Variants in EGFLAM observed in about 807,000 individuals in gnomAD.
The protein encoded by EGFLAM is EGF like, fibronectin type III and laminin G domains, also known as pikachurin.
In EGFLAM, 79 loss-of-function variants were observed where a neutral mutation model predicts 113.1. That is an observed-to-expected ratio of 0.70 (90% CI 0.58 to 0.84). The LOEUF (loss-of-function observed/expected upper bound fraction) is 0.84, where lower values mean the gene tolerates loss of function less well. Ranked by LOEUF, EGFLAM falls within the 40% of genes least tolerant of loss-of-function variation. EGFLAM has a pLI of 0.00. For missense variants in EGFLAM, 1,265 were observed against 1,291.6 expected (o/e 0.98, Z 0.32); for synonymous variants, 504 against 487.6 (o/e 1.03, Z -0.44).
chr5:38,324,049 A>C (rs960550206), intron 1 of EGFLAM, among the ~76,000 whole-genome samples: 7 of 151,802 alleles, frequency 4.6e-5, no homozygotes, highest in African/African-American at 1.2e-4. Flanking sequence ...CAAACAAAAA[A>C]AAAAAAAAAA....
intron 19 of EGFLAM, among the ~76,000 whole-genome samples, chr5:38,457,376 T>C (rs542526374): frequency 1.3e-5 from 2 of 152,322 alleles, no homozygotes; most frequent in East Asian, 1.9e-4. Flanking sequence ...GGTTGGCTTC[T>C]TCTGGAGGGT....
intron 16 of EGFLAM, among the ~76,000 whole-genome samples, chr5:38,435,757 G>A (rs1447116139): frequency 1.3e-5 from 2 of 149,058 alleles, no homozygotes; most frequent in African/African-American, 4.9e-5. Context: ...TCCCTAGAAG[G>A]TTCAGGAAAA....
At chr5:38,400,150 C>A (rs907832442) in intron 6 of EGFLAM, 2 of 152,168 alleles carry the variant, frequency 1.3e-5, no homozygotes, top group African/African-American at 4.8e-5. Flanking sequence ...GTCACCCAAG[C>A]CATTTATGTC....
At chr5:38,363,833 C>T (rs547569475) in intron 5 of EGFLAM, among the ~76,000 whole-genome samples, 130 of 152,262 alleles carry the variant, frequency 8.5e-4, no homozygotes, top group African/African-American at 2.7e-3. Flanking sequence ...GGTTGCTAAA[C>T]TTTTTCTCAC....
chr5:38,348,730 T>A (rs1392570157), intron 3 of EGFLAM, among the ~76,000 whole-genome samples: 4 of 152,104 alleles, frequency 2.6e-5, no homozygotes, highest in Admixed American at 6.5e-5. Context: ...AGGGAATTAC[T>A]GTTTTTAAGG....
chr5:38,444,475 A>G (rs1290955488), intron 17 of EGFLAM, among the ~76,000 whole-genome samples: 1 of 152,232 alleles, frequency 6.6e-6, no homozygotes, highest in East Asian at 1.9e-4. Context: ...TGTTCCCAGC[A>G]CAAAGAAATG....
intron 8 of EGFLAM, 100 bp from the exon 9 acceptor site, chr5:38,407,705 G>A: frequency 1.3e-6 from 1 of 770,960 alleles, no homozygotes; most frequent in Non-Finnish European, 2.2e-6. Flanking sequence ...ATTAGTGAGG[G>A]TTCTCACTTA....
At chr5:38,457,248 C>A (rs1158553848) in intron 19 of EGFLAM, among the ~76,000 whole-genome samples, 1 of 152,160 alleles carries the variant, frequency 6.6e-6, no homozygotes, top group Non-Finnish European at 1.5e-5. Flanking sequence ...AAAGTGAAAA[C>A]AGATGCATTC....
At chr5:38,300,157 A>G (rs758351815) in intron 1 of EGFLAM, among the ~76,000 whole-genome samples, 9 of 152,214 alleles carry the variant, frequency 5.9e-5, no homozygotes, top group Non-Finnish European at 7.3e-5. Context: ...GGTAGTCAGC[A>G]ATATGAAGAA....
At chr5:38,446,822 A>G (rs1362259500) in intron 17 of EGFLAM, among the ~76,000 whole-genome samples, 1 of 152,090 alleles carries the variant, frequency 6.6e-6, no homozygotes, top group Non-Finnish European at 1.5e-5. Flanking sequence ...TTGGGGGCCC[A>G]TTGTCATAGG....
intron 20 of EGFLAM, among the ~76,000 whole-genome samples, chr5:38,462,093 C>T (rs1484634967): frequency 6.6e-6 from 1 of 151,974 alleles, no homozygotes; most frequent in Non-Finnish European, 1.5e-5. Context: ...GCGTGAACCC[C>T]GGGGGGCGGA....
intron 17 of EGFLAM, among the ~76,000 whole-genome samples, chr5:38,447,636 A>G (rs1393288153): frequency 6.6e-6 from 1 of 152,060 alleles, no homozygotes. Flanking sequence ...GGTGCCTGTA[A>G]TCCCAGCTAC....
chr5:38,291,429 C>A (rs940653961), intron 1 of EGFLAM, among the ~76,000 whole-genome samples: 3 of 152,184 alleles, frequency 2.0e-5, no homozygotes, highest in Non-Finnish European at 4.4e-5. Context: ...CTCACCCAAC[C>A]TCTGGCATCT....
intron 1 of EGFLAM, among the ~76,000 whole-genome samples, chr5:38,281,326 A>G (rs1758016248): frequency 6.6e-6 from 1 of 152,068 alleles, no homozygotes; most frequent in Admixed American, 6.6e-5. Context: ...AAAATAGAGG[A>G]TGCCCAGCTG....
chr5:38,332,432 C>T (rs1739070044), intron 1 of EGFLAM, among the ~76,000 whole-genome samples: 1 of 152,098 alleles, frequency 6.6e-6, no homozygotes, highest in African/African-American at 2.4e-5. Flanking sequence ...TCATCTCCCT[C>T]CACCCACTCT....
chr5:38,327,362 G>A (rs1290113803), intron 1 of EGFLAM, among the ~76,000 whole-genome samples: 1 of 152,142 alleles, frequency 6.6e-6, no homozygotes, highest in Non-Finnish European at 1.5e-5. Flanking sequence ...ATTTTTGAAA[G>A]TGAACTTTTA....
intron 5 of EGFLAM, among the ~76,000 whole-genome samples, chr5:38,364,694 A>G (rs73075417): frequency 0.011 from 1,676 of 152,338 alleles, 39 homozygotes; most frequent in African/African-American, 0.039. Flanking sequence ...CAAAGTCACC[A>G]TGCTTAATGA....
intron 5 of EGFLAM, among the ~76,000 whole-genome samples, chr5:38,358,169 G>T (rs1739813476): frequency 6.6e-6 from 1 of 151,642 alleles, no homozygotes; most frequent in Non-Finnish European, 1.5e-5. Context: ...AACCTGGCCG[G>T]GCGTGGTGGC....
intron 6 of EGFLAM, among the ~76,000 whole-genome samples, chr5:38,379,188 G>A (rs998313651): frequency 5.3e-5 from 8 of 152,206 alleles, no homozygotes; most frequent in Non-Finnish European, 1.2e-4. Context: ...GTTGTGTCGG[G>A]GAGGGAAGAC....
Sources: gnomAD v4.1 joint callset for allele counts (sites outside exome capture counted in the v4.1 genomes callset) on GRCh38, gnomAD v4.1.1 for gene constraint, MANE v1.5 for transcripts, NCBI Gene and HGNC (gene_info 2026-07-23, HGNC 2026-07-21) for gene names.